Variants in RPS6KA3 observed in about 807,000 individuals in gnomAD.
RPS6KA3 encodes the protein ribosomal protein S6 kinase alpha-3.
Under a neutral mutation model 67.2 loss-of-function variants are expected in RPS6KA3, and 4 were observed. That is an observed-to-expected ratio of 0.06 (90% CI 0.03 to 0.14). The LOEUF (loss-of-function observed/expected upper bound fraction) is 0.14, where lower values mean the gene tolerates loss of function less well. Among genes scored for constraint, RPS6KA3 ranks in the 10% least tolerant of loss-of-function variants. The pLI, the probability that RPS6KA3 is intolerant of heterozygous loss-of-function variation, is 1.00. For missense variants in RPS6KA3, 204 were observed against 559.0 expected (o/e 0.36, Z 6.40); for synonymous variants, 182 against 183.7 (o/e 0.99, Z 0.07).
intron 2 of RPS6KA3, among the ~76,000 whole-genome samples, chrX:20,219,414 T>C (rs905489692): frequency 1.8e-5 from 2 of 111,648 alleles, no homozygotes; most frequent in Non-Finnish European, 3.8e-5. Flanking sequence ...TAACTATAGG[T>C]AGAAAATGAA....
intron 5 of RPS6KA3, 107 bp from the exon 6 acceptor site, chrX:20,194,375 C>A: frequency 2.0e-6 from 1 of 504,259 alleles, no homozygotes; most frequent in South Asian, 3.0e-5. Flanking sequence ...ATCAAATGTC[C>A]AAACTTACTT....
At chrX:20,221,095 T>A (rs1603429631) in intron 2 of RPS6KA3, among the ~76,000 whole-genome samples, 1 of 112,064 alleles carries the variant, frequency 8.9e-6, no homozygotes, top group East Asian at 2.8e-4. Flanking sequence ...GCTCTTGAAG[T>A]CCTTTGGTAC....
intron 7 of RPS6KA3, among the ~76,000 whole-genome samples, chrX:20,191,530 C>G (rs996162018): frequency 9.0e-6 from 1 of 111,497 alleles, no homozygotes; most frequent in South Asian, 3.8e-4. Flanking sequence ...TCTCCAGCAT[C>G]TGTTGTTTCC....
chrX:20,235,816 C>G (rs2069395384), intron 1 of RPS6KA3, among the ~76,000 whole-genome samples: 1 of 111,411 alleles, frequency 9.0e-6, no homozygotes, highest in Non-Finnish European at 1.9e-5. Context: ...ATCAATTCTA[C>G]TTCTTTTTTA....
Position 20,153,139 on chromosome X carries a change from A to G in RPS6KA3, c.*2259T>C, listed in dbSNP as rs1351938248. 2 of 111,882 alleles carry G rather than the reference A, an allele frequency of 1.8e-5. No individual in the cohort carries two copies. Among genetic ancestry groups the G allele is most frequent in the Non-Finnish European group, 3.8e-5 (2 of 53,194 alleles). 9.2% of individuals were successfully genotyped at this position (111,882 alleles called of 1,213,427 possible). A position where few individuals can be genotyped will look rare whatever the true frequency, so the allele number is the denominator to read the frequency against. On this transcript the variant is annotated 3_prime_UTR_variant, in exon 22 of 22. Transcript: ENST00000379565. ...AGCATCAGTGTAAAAAAATCTGAAAATATATCTATTTCTGCTCAGAATGAC... is the reference window on the plus strand; with the variant it reads ...AGCATCAGTGTAAAAAAATCTGAAAGTATATCTATTTCTGCTCAGAATGAC...
At chrX:20,237,927 C>T (rs1453661216) in intron 1 of RPS6KA3, among the ~76,000 whole-genome samples, 1 of 111,360 alleles carries the variant, frequency 9.0e-6, no homozygotes, top group Non-Finnish European at 1.9e-5. Flanking sequence ...TGAGAAAGTA[C>T]TGCCTGCTAC....
chrX:20,181,754 C>G (rs2067847851), intron 10 of RPS6KA3, among the ~76,000 whole-genome samples: 1 of 111,031 alleles, frequency 9.0e-6, no homozygotes, highest in Non-Finnish European at 1.9e-5. Flanking sequence ...CTGATAGCCA[C>G]AGAGAGAGCA....
intron 1 of RPS6KA3, among the ~76,000 whole-genome samples, chrX:20,260,970 T>C (rs867855755): frequency 2.8e-4 from 31 of 112,230 alleles, no homozygotes; most frequent in African/African-American, 8.4e-4. Flanking sequence ...AAGTCCCTTC[T>C]AAGTTTTAAG....
At chrX:20,195,743 T>C (rs1392444828) in intron 4 of RPS6KA3, among the ~76,000 whole-genome samples, 2 of 112,034 alleles carry the variant, frequency 1.8e-5, no homozygotes, top group Non-Finnish European at 3.8e-5. Flanking sequence ...GTAATCTTTT[T>C]TTTGAAAAAA....
intron 1 of RPS6KA3, among the ~76,000 whole-genome samples, chrX:20,249,684 T>C (rs926169964): frequency 2.7e-5 from 3 of 112,419 alleles, no homozygotes; most frequent in African/African-American, 6.5e-5. Flanking sequence ...TCTTTGAATA[T>C]TGTAAATACA....
intron 7 of RPS6KA3, among the ~76,000 whole-genome samples, chrX:20,190,978 G>C (rs888354120): frequency 4.6e-5 from 5 of 109,444 alleles, no homozygotes; most frequent in Non-Finnish European, 1.9e-5. Flanking sequence ...CCATTAACCC[G>C]TCATTTACAT....
chrX:20,170,492 C>T (rs2067546299), intron 15 of RPS6KA3, among the ~76,000 whole-genome samples: 1 of 111,568 alleles, frequency 9.0e-6, no homozygotes, highest in African/African-American at 3.3e-5. Context: ...ACACCAAGAC[C>T]AACTCCTTCT....
intron 6 of RPS6KA3, 83 bp downstream of exon 6, chrX:20,194,106 T>G: frequency 1.7e-6 from 1 of 601,991 alleles, no homozygotes; most frequent in Non-Finnish European, 2.7e-6. Context: ...GAAAATACAG[T>G]AAGCATAATA....
chrX:20,167,764 C>A lies in RPS6KA3; in HGVS notation c.1444-17G>T. On this transcript the variant is annotated splice_polypyrimidine_tract_variant and intron_variant, in intron 16 of 21. Transcript: ENST00000379565. ...ATCATATACCTATAAATTTCAACAT[C>A]AAAATGTAAATATTATTTGAAACTA... The A allele has an allele frequency of 9.8e-7, 1 of 1,025,616 alleles. No individual in the cohort carries two copies. Among genetic ancestry groups the A allele is most frequent in the South Asian group, 1.9e-5 (1 of 52,716 alleles). 84.5% of individuals were successfully genotyped at this position (1,025,616 alleles called of 1,213,427 possible). A position where few individuals can be genotyped will look rare whatever the true frequency, so the allele number is the denominator to read the frequency against.
At chrX:20,155,969 C>T (rs962972351) in intron 21 of RPS6KA3, 140 bp downstream of exon 21, 3 of 675,983 alleles carry the variant, frequency 4.4e-6, no homozygotes, top group African/African-American at 4.3e-5. Context: ...TTGAGCTTTT[C>T]GAAGTCACCC....
intron 10 of RPS6KA3, among the ~76,000 whole-genome samples, chrX:20,177,434 T>C (rs1183253853): frequency 8.9e-6 from 1 of 112,866 alleles, no homozygotes; most frequent in African/African-American, 3.2e-5. Flanking sequence ...CCATTATCTG[T>C]TGAAGGACAT....
chrX:20,169,698 T>TG (rs746979909), intron 15 of RPS6KA3: 1 of 460,200 alleles, frequency 2.2e-6, no homozygotes, highest in East Asian at 3.8e-5. Context: ...TTCTAACTCA[T>TG]GAGTCGCATT....
intron 2 of RPS6KA3, among the ~76,000 whole-genome samples, chrX:20,229,624 G>A (rs1461219726): frequency 8.9e-6 from 1 of 112,126 alleles, no homozygotes; most frequent in Non-Finnish European, 1.9e-5. Context: ...ACATCTCAAC[G>A]TTCCCTATGT....
At chrX:20,214,259 G>A (rs754061073) in intron 2 of RPS6KA3, among the ~76,000 whole-genome samples, 1 of 111,793 alleles carries the variant, frequency 8.9e-6, no homozygotes, top group African/African-American at 3.3e-5. Context: ...TTTTCTGGTT[G>A]AATTCACTGT....
Sources: gnomAD v4.1 joint callset for allele counts (sites outside exome capture counted in the v4.1 genomes callset) on GRCh38, gnomAD v4.1.1 for gene constraint, MANE v1.5 for transcripts, NCBI Gene and HGNC (gene_info 2026-07-23, HGNC 2026-07-21) for gene names.